The following ATAD3B variants were observed in gnomAD, a reference collection of about 807,000 sequenced individuals.
ATAD3B encodes ATPase family AAA domain-containing protein 3B.
In ATAD3B, 59 loss-of-function variants were observed where a neutral mutation model predicts 70.2. That is an observed-to-expected ratio of 0.84 (90% confidence interval 0.68 to 1.04). The LOEUF (loss-of-function observed/expected upper bound fraction) is 1.04. Among genes scored for constraint, ATAD3B ranks in the 50% least tolerant of loss-of-function variants. ATAD3B has a pLI of 0.00. For synonymous variants in ATAD3B, 423 were observed against 388.6 expected, an observed-to-expected ratio of 1.09 and a Z score of -1.04; for missense variants, 961 against 913.4, an observed-to-expected ratio of 1.05 and a Z score of -0.67.
rs780910762 is a variant in ATAD3B, at chr1:1,490,687, G to C, written c.1614+16G>C. ...GTCCTGGCAGGTGAGTCAGGCTCCGGCACGTCCACCCAGACGGGACCCCAG... is the reference window on the plus strand; with the variant it reads ...GTCCTGGCAGGTGAGTCAGGCTCCGCCACGTCCACCCAGACGGGACCCCAG... On this transcript the variant is annotated intron_variant, in intron 15 of 15. Transcript: ENST00000673477. The C allele has an allele frequency of 6.4e-7, 1 of 1,562,216 alleles. No homozygotes were observed. The highest frequency in any genetic ancestry group is 1.9e-5 in the Admixed American group (1 of 51,554).
In ATAD3B at chr1:1,482,731, C is replaced by G. The variant is rs568542735; in HGVS notation, c.750+117C>G. The G allele has an allele frequency of 1.2e-4, 184 of 1,521,948 alleles. 2 individuals carry two copies. The African/African-American group carries it at 1.6e-3, about 13-fold the overall frequency. The allele number at this position is 1,521,948 out of a possible 1,614,324, so 94.3% of individuals were successfully genotyped here. ...GCACAGCCCTGTAGCTCTCCCAGCA[C>G]AGAGCAAACCCACGTTGTACCTGCT... On this transcript the variant is annotated intron_variant, in intron 7 of 15. Transcript: ENST00000673477.
chr1:1,474,223 C>T (rs1202547149), intron 1 of ATAD3B, among the ~76,000 whole-genome samples: 4 of 150,636 alleles, frequency 2.7e-5, no homozygotes, highest in Admixed American at 2.0e-4. Flanking sequence ...GACGGAGTCT[C>T]GCTGTCGCCC....
At position 1,487,864 on chromosome 1, in the gene ATAD3B, C is replaced by T; in HGVS notation, c.1216C>T (p.Leu406Phe). ...GCTTGGCCTCTCTCTCGTTCACAGCCTCCTGCTCTTCATGGATGAAGCAGA... is the reference window on the plus strand; with the variant it reads ...GCTTGGCCTCTCTCTCGTTCACAGCTTCCTGCTCTTCATGGATGAAGCAGA... ...FDWANTSRRG[L>F]LLFMDEADAF... Residue 406 changes from leucine to phenylalanine, a missense_variant and splice_region_variant, in exon 12 of 16, where the codon CTC becomes TTC. Around this residue, in one of 4 missense-constraint regions of ATAD3B, gnomAD observed 417 missense variants for 335.0 expected, o/e 1.24. Coordinates refer to ENST00000673477, the MANE Select transcript of ATAD3B (RefSeq NM_031921.6). 1.9e-6 allele frequency: 3 copies of T among 1,613,140 alleles called. No homozygotes were observed. The highest frequency in any genetic ancestry group is 2.2e-5 in the East Asian group (1 of 44,876).
intron 4 of ATAD3B, 130 bp from the exon 5 acceptor site, chr1:1,480,737 C>CGTCT: frequency 6.7e-7 from 1 of 1,491,492 alleles, no homozygotes; most frequent in Non-Finnish European, 9.0e-7. Flanking sequence ...CAGGGTGCGG[C>CGTCT]GTCTGCAGGT....
chr1:1,494,272 T>A (rs141687825), intron 15 of ATAD3B, among the ~76,000 whole-genome samples: 1 of 151,924 alleles, frequency 6.6e-6, no homozygotes, highest in African/African-American at 2.4e-5. Flanking sequence ...GGGGTGGCCC[T>A]GTGAGCATCT....
intron 13 of ATAD3B, chr1:1,489,618 C>A: frequency 7.7e-7 from 1 of 1,299,696 alleles, no homozygotes; most frequent in South Asian, 1.3e-5. Context: ...GGGTGACCGG[C>A]CCTATGTCCA....
chr1:1,498,827 A>G (rs1283936151), downstream of ATAD3B, among the ~76,000 whole-genome samples: 1 of 151,110 alleles, frequency 6.6e-6, no homozygotes, highest in Non-Finnish European at 1.5e-5. Flanking sequence ...GTAGCACTCG[A>G]ATGTTAACTT....
chr1:1,477,589 A>C (rs1316862697), intron 2 of ATAD3B, among the ~76,000 whole-genome samples: 1 of 151,014 alleles, frequency 6.6e-6, no homozygotes, highest in African/African-American at 2.4e-5. Context: ...GTCCTGAGGG[A>C]GGGCCGGTGT....
At chr1:1,481,880 G>A (rs982404830) in intron 5 of ATAD3B, among the ~76,000 whole-genome samples, 4 of 152,114 alleles carry the variant, frequency 2.6e-5, no homozygotes, top group African/African-American at 7.2e-5. Flanking sequence ...GGAGTGGGTC[G>A]GTCCATGGCC....
rs373077550 is a variant in ATAD3B, at chr1:1,485,188, G to C, written c.906+17G>C. 9.9e-5 allele frequency: 160 copies of C among 1,609,048 alleles called. 1 individual carries two copies. The African/African-American group carries it at 1.8e-3, about 18-fold the overall frequency. Reference sequence around the variant, plus strand: ...CCCATCCAGGTAGCGGCGCAGGCCTGGCCCTCCCTGAGTGCAGTTCCTGGC... The same window carrying C: ...CCCATCCAGGTAGCGGCGCAGGCCTCGCCCTCCCTGAGTGCAGTTCCTGGC... On this transcript the variant is annotated intron_variant, in intron 8 of 15. Transcript: ENST00000673477.
At chr1:1,476,568 C>G (rs1325218759) in intron 1 of ATAD3B, among the ~76,000 whole-genome samples, 1 of 151,492 alleles carries the variant, frequency 6.6e-6, no homozygotes, top group Non-Finnish European at 1.5e-5. Flanking sequence ...GAGTGCATTG[C>G]TTCGATCTCT....
chr1:1,500,457 C>A (rs2100615725), downstream of ATAD3B, among the ~76,000 whole-genome samples: 1 of 147,578 alleles, frequency 6.8e-6, no homozygotes, highest in African/African-American at 2.5e-5. Flanking sequence ...GAGGCTGAGG[C>A]AGGAGAATGG....
intron 2 of ATAD3B, chr1:1,478,220 C>T (rs1406924506): frequency 6.5e-6 from 3 of 458,718 alleles, no homozygotes; most frequent in African/African-American, 5.9e-5. Flanking sequence ...TGGTCTTGAA[C>T]TCCTGACCTC....
At chr1:1,503,815 G>A in the ATAD3B span, among the ~76,000 whole-genome samples, 284 of 152,174 alleles carry the variant, frequency 1.9e-3, 1 homozygote, top group Middle Eastern at 0.014. Flanking sequence ...TTCACAGAAG[G>A]AAACAAGGGG....
At chr1:1,475,601 C>G (rs1639552572) in intron 1 of ATAD3B, among the ~76,000 whole-genome samples, 2 of 151,954 alleles carry the variant, frequency 1.3e-5, no homozygotes, top group African/African-American at 4.8e-5. Flanking sequence ...CTCCTCCGGC[C>G]TGTCCTTGGA....
the ATAD3B span, among the ~76,000 whole-genome samples, chr1:1,508,640 C>T: frequency 6.6e-6 from 1 of 151,372 alleles, no homozygotes; most frequent in South Asian, 2.1e-4. Flanking sequence ...AAGGCTGGAC[C>T]TGAGGCTGCC....
chr1:1,495,165 G>C (rs938010248), intron 15 of ATAD3B, among the ~76,000 whole-genome samples: 2 of 152,036 alleles, frequency 1.3e-5, no homozygotes, highest in African/African-American at 4.8e-5. Context: ...GAGACTCGCA[G>C]AGGGTCTGCA....
At chr1:1,489,772 C>T (rs1203258625) in intron 13 of ATAD3B, 3 of 1,302,530 alleles carry the variant, frequency 2.3e-6, no homozygotes, top group South Asian at 1.2e-5. Context: ...GCTCCTGGGT[C>T]AGCTGCTGCC....
In ATAD3B at chr1:1,482,076, T is replaced by C; in HGVS notation, c.515-62T>C. The stretch of plus-strand genomic sequence containing the variant: ...GTCCGTGGCGTGGGCCGGTCCACAG[T>C]GTGGGTGGAGGTGGACGTGCTGCAC... On this transcript the variant is annotated intron_variant, in intron 5 of 15. Coordinates refer to ENST00000673477, the MANE Select transcript of ATAD3B (RefSeq NM_031921.6). 8 of 1,565,198 alleles carry C rather than the reference T, an allele frequency of 5.1e-6. No individual in the cohort carries two copies. In the South Asian group the frequency reaches 7.0e-5, roughly 14 times the overall value.
Sources: gnomAD v4.1 joint callset for allele counts (sites outside exome capture counted in the v4.1 genomes callset) on GRCh38, gnomAD v4.1.1 for gene constraint, gnomAD v4.1.1 regional missense constraint, MANE v1.5 for transcripts, NCBI Gene and HGNC (gene_info 2026-07-23, HGNC 2026-07-21) for gene names.